ITGB6: variants seen among roughly 807,000 people sequenced by gnomAD.
The protein encoded by ITGB6 is integrin subunit beta 6.
A neutral mutation model predicts 84.5 loss-of-function variants in ITGB6; 80 were observed. The observed-to-expected ratio is 0.95, with a 90% CI of 0.79 to 1.14. The LOEUF (loss-of-function observed/expected upper bound fraction) is 1.14, where lower values mean the gene tolerates loss of function less well. Among genes scored for constraint, ITGB6 ranks in the 50% most tolerant of loss-of-function variants. The pLI is 0.00. For synonymous variants in ITGB6, 383 were observed against 354.9 expected, an observed-to-expected ratio of 1.08 and a Z score of -0.89; for missense variants, 1,006 against 968.0, an observed-to-expected ratio of 1.04 and a Z score of -0.52.
intron 7 of ITGB6, among the ~76,000 whole-genome samples, chr2:160,157,697 G>C (rs2966387): frequency 1 from 149,212 of 149,558 alleles, 74,435 homozygotes; most frequent in Middle Eastern, 1. Context: ...GACTTTCAAA[G>C]TCAAAGGCTA....
chr2:160,150,650 G>C (rs1488616481), intron 7 of ITGB6, among the ~76,000 whole-genome samples: 1 of 152,154 alleles, frequency 6.6e-6, no homozygotes, highest in East Asian at 1.9e-4. Context: ...CCAATTAAAA[G>C]ACACAGACTG....
intron 10 of ITGB6, among the ~76,000 whole-genome samples, chr2:160,136,494 A>G (rs957283367): frequency 3.8e-4 from 58 of 152,152 alleles, no homozygotes; most frequent in South Asian, 1.7e-3. Context: ...TCAGTGTGGC[A>G]ATTCCTCAGG....
intron 7 of ITGB6, among the ~76,000 whole-genome samples, chr2:160,150,321 G>T (rs1033640260): frequency 6.6e-6 from 1 of 152,152 alleles, no homozygotes; most frequent in Non-Finnish European, 1.5e-5. Flanking sequence ...TTAAAGAAAA[G>T]AATTTTCAAC....
At chr2:160,105,736 C>T (rs1696881032) in intron 14 of ITGB6, among the ~76,000 whole-genome samples, 1 of 152,184 alleles carries the variant, frequency 6.6e-6, no homozygotes. Flanking sequence ...CATGGCAAGG[C>T]ATTTGTTGGA....
chr2:160,198,962 C>G (rs934634800), intron 2 of ITGB6, among the ~76,000 whole-genome samples: 1 of 151,980 alleles, frequency 6.6e-6, no homozygotes, highest in Non-Finnish European at 1.5e-5. Context: ...AATTTTTTTC[C>G]GAATTATTTG....
chr2:160,153,008 C>T (rs1684487498), intron 7 of ITGB6, among the ~76,000 whole-genome samples: 1 of 152,204 alleles, frequency 6.6e-6, no homozygotes, highest in Non-Finnish European at 1.5e-5. Context: ...AATGGTCATA[C>T]TGCCCAAGGT....
chr2:160,197,778 A>G (rs1447489194), intron 2 of ITGB6, among the ~76,000 whole-genome samples: 1 of 152,256 alleles, frequency 6.6e-6, no homozygotes, highest in Admixed American at 6.5e-5. Context: ...TTCTCAACAC[A>G]GTGTCATTGC....
chr2:160,117,433 G>A (rs1682832368), intron 12 of ITGB6, among the ~76,000 whole-genome samples: 1 of 152,082 alleles, frequency 6.6e-6, no homozygotes, highest in Admixed American at 6.5e-5. Context: ...ATAACGAAAT[G>A]AAGGCAGAAA....
At chr2:160,137,057 A>G (rs1683763807) in intron 10 of ITGB6, among the ~76,000 whole-genome samples, 1 of 85,696 alleles carries the variant, frequency 1.2e-5, no homozygotes, top group Admixed American at 1.4e-4. Flanking sequence ...ATAAATAAAA[A>G]AAAAAAGAAA....
rs992276755 is a variant in ITGB6 at position 160,101,683 on chromosome 2, T to C, written c.*53A>G. On this transcript the variant is annotated 3_prime_UTR_variant, in exon 15 of 15. Transcript: ENST00000283249. ...CAACAAAGAGAAAAAAATTAAATAG[T>C]GCATTAACATTTCATATCAGTGAAA... is the stretch of plus-strand genomic sequence containing the variant. 43 of 977,526 alleles carry C rather than the reference T, an allele frequency of 4.4e-5. No homozygotes were observed. The highest frequency in any genetic ancestry group is 2.2e-4 in the Middle Eastern group (1 of 4,606). The allele number at this position is 977,526 out of a possible 1,614,324, so 60.6% of individuals were successfully genotyped here.
At chr2:160,181,031 G>A (rs1401021873) in intron 4 of ITGB6, among the ~76,000 whole-genome samples, 1 of 152,172 alleles carries the variant, frequency 6.6e-6, no homozygotes, top group African/African-American at 2.4e-5. Flanking sequence ...TATCACCAGG[G>A]CCCTGGGTCT....
chr2:160,106,380 G>A (rs1191385476), intron 14 of ITGB6, among the ~76,000 whole-genome samples: 1 of 152,108 alleles, frequency 6.6e-6, no homozygotes, highest in East Asian at 1.9e-4. Flanking sequence ...TGGGACTACA[G>A]GTGTGAACCA....
At chr2:160,110,530 C>A (rs1300460920) in intron 13 of ITGB6, among the ~76,000 whole-genome samples, 1 of 152,152 alleles carries the variant, frequency 6.6e-6, no homozygotes, top group Non-Finnish European at 1.5e-5. Flanking sequence ...TGGTACTTTC[C>A]AGCCAGGAAG....
chr2:160,118,826 A>G (rs2105790301), intron 12 of ITGB6, among the ~76,000 whole-genome samples: 1 of 152,354 alleles, frequency 6.6e-6, no homozygotes, highest in Admixed American at 6.5e-5. Flanking sequence ...ATCTCAGAAT[A>G]CAAAATCAAT....
chr2:160,111,546 A>G (rs1559087323), intron 13 of ITGB6, among the ~76,000 whole-genome samples: 1 of 150,138 alleles, frequency 6.7e-6, no homozygotes, highest in Non-Finnish European at 1.5e-5. Context: ...GTTCACAATC[A>G]TCTTCAGATT....
intron 4 of ITGB6, among the ~76,000 whole-genome samples, chr2:160,176,301 T>C (rs1439794776): frequency 6.6e-6 from 1 of 152,210 alleles, no homozygotes; most frequent in Non-Finnish European, 1.5e-5. Context: ...GGCTCTTGGA[T>C]GGATGTGGCC....
chr2:160,158,335 C>T (rs551772436), intron 7 of ITGB6, among the ~76,000 whole-genome samples: 2 of 152,236 alleles, frequency 1.3e-5, no homozygotes, highest in East Asian at 1.9e-4. Context: ...CACAGCTGAG[C>T]GAGTGCTCGG....
At chr2:160,135,874 C>T (rs1372856219) in intron 10 of ITGB6, among the ~76,000 whole-genome samples, 1 of 152,086 alleles carries the variant, frequency 6.6e-6, no homozygotes, top group African/African-American at 2.4e-5. Flanking sequence ...AAACTGGATC[C>T]CTTCCTTACA....
At chr2:160,119,332 G>A (rs1238670403) in intron 12 of ITGB6, among the ~76,000 whole-genome samples, 5 of 152,056 alleles carry the variant, frequency 3.3e-5, no homozygotes, top group Admixed American at 6.6e-5. Flanking sequence ...AGATCAATGG[G>A]ATAGAACAGA....
Sources: gnomAD v4.1 joint callset for allele counts (sites outside exome capture counted in the v4.1 genomes callset) on GRCh38, gnomAD v4.1.1 for gene constraint, MANE v1.5 for transcripts, NCBI Gene and HGNC (gene_info 2026-07-23, HGNC 2026-07-21) for gene names.